Variants in GNAQ observed in about 807,000 individuals in gnomAD.
GNAQ encodes G protein subunit alpha q, also known as guanine nucleotide-binding protein G(q) subunit alpha.
In GNAQ, 8 loss-of-function variants were observed where a neutral mutation model predicts 43.9. The observed-to-expected ratio is 0.18, with a 90% CI of 0.11 to 0.33. The LOEUF (loss-of-function observed/expected upper bound fraction) is 0.33, where lower values mean the gene tolerates loss of function less well. Ranked by LOEUF, GNAQ falls within the 10% of genes least tolerant of loss-of-function variation. The probability of loss-of-function intolerance (pLI) is 1.00; values close to 1 mark genes in which losing one functional copy is unlikely to be tolerated. For synonymous variants in GNAQ, 155 were observed against 170.7 expected (o/e 0.91, Z 0.71); for missense variants, 158 against 450.8 (o/e 0.35, Z 5.88).
intron 1 of GNAQ, among the ~76,000 whole-genome samples, chr9:77,955,197 C>T (rs556542629): frequency 1.1e-4 from 16 of 152,268 alleles, no homozygotes; most frequent in East Asian, 5.8e-4. Flanking sequence ...GGCTGGAGTG[C>T]GGTGGCACGA....
chr9:77,959,634 TTCAC>T (rs1385548843), intron 1 of GNAQ, among the ~76,000 whole-genome samples: 11 of 152,248 alleles, frequency 7.2e-5, no homozygotes, highest in African/African-American at 1.7e-4. Flanking sequence ...GTATATTTTG[TTCAC>T]TCACTGTTTT....
intron 2 of GNAQ, among the ~76,000 whole-genome samples, chr9:77,856,910 C>T (rs1827764220): frequency 6.6e-6 from 1 of 152,106 alleles, no homozygotes; most frequent in Non-Finnish European, 1.5e-5. Context: ...GTTTGTTTAG[C>T]TGAAAGGGAA....
intron 1 of GNAQ, among the ~76,000 whole-genome samples, chr9:77,949,296 C>G (rs1434917358): frequency 2.0e-5 from 3 of 152,154 alleles, no homozygotes; most frequent in Admixed American, 2.0e-4. Context: ...AACTTCAGTC[C>G]TTAGGGGCAG....
intron 2 of GNAQ, among the ~76,000 whole-genome samples, chr9:77,914,633 G>A (rs1438405863): frequency 1.3e-5 from 2 of 151,962 alleles, no homozygotes; most frequent in Non-Finnish European, 2.9e-5. Flanking sequence ...TTGCACTCCA[G>A]CCTGGACAAC....
chr9:77,822,812 T>C (rs1240097559), intron 2 of GNAQ, among the ~76,000 whole-genome samples: 1 of 152,180 alleles, frequency 6.6e-6, no homozygotes, highest in Non-Finnish European at 1.5e-5. Flanking sequence ...ATAGAGCTTT[T>C]AGAATACCTT....
At chr9:77,863,813 G>A (rs1827901134) in intron 2 of GNAQ, among the ~76,000 whole-genome samples, 1 of 152,106 alleles carries the variant, frequency 6.6e-6, no homozygotes, top group South Asian at 2.1e-4. Flanking sequence ...GCTTGTGCAG[G>A]GGAAACTCCA....
intron 6 of GNAQ, among the ~76,000 whole-genome samples, chr9:77,727,649 A>C (rs192343328): frequency 1.3e-5 from 2 of 152,228 alleles, no homozygotes; most frequent in Non-Finnish European, 2.9e-5. Context: ...CTGAGTATTC[A>C]TAAGTGTCCT....
At chr9:77,871,769 C>T (rs1564136640) in intron 2 of GNAQ, among the ~76,000 whole-genome samples, 1 of 152,050 alleles carries the variant, frequency 6.6e-6, no homozygotes, top group African/African-American at 2.4e-5. Flanking sequence ...AATAGAATTG[C>T]AGAATTTTAC....
At chr9:77,754,195 G>A (rs1825862441) in intron 5 of GNAQ, among the ~76,000 whole-genome samples, 1 of 152,128 alleles carries the variant, frequency 6.6e-6, no homozygotes, top group Non-Finnish European at 1.5e-5. Flanking sequence ...AGACAGGTTT[G>A]GTGCCTTTTG....
chr9:77,796,504 TTGAA>T (rs944179968), intron 4 of GNAQ, among the ~76,000 whole-genome samples: 1 of 152,094 alleles, frequency 6.6e-6, no homozygotes, highest in African/African-American at 2.4e-5. Context: ...TAATAAGAGA[TTGAA>T]TGAAAGTACA....
At chr9:78,016,393 T>C (rs1439041498) in intron 1 of GNAQ, among the ~76,000 whole-genome samples, 1 of 152,116 alleles carries the variant, frequency 6.6e-6, no homozygotes, top group African/African-American at 2.4e-5. Flanking sequence ...GTTTTAGAAA[T>C]ATATAAATTA....
rs58496646 is a variant in GNAQ at position 77,889,410 on chromosome 9, C to CAAAAAAAAAAAAAAAAAAAAA, written c.321+32730_321+32750dup. ...TGGGCGACAAAGCCAGACCCTGTCTCAAAAAAAAAAAAAAAAAAAAAAAAA... is the reference window on the plus strand; with the variant it reads ...TGGGCGACAAAGCCAGACCCTGTCTCAAAAAAAAAAAAAAAAAAAAAAAAAAAAAAAAAAAAAAAAAAAAAA... On this transcript the variant is annotated intron_variant, in intron 2 of 6. Coordinates refer to ENST00000286548, the MANE Select transcript of GNAQ (RefSeq NM_002072.5). 2.7e-4 allele frequency among the ~76,000 whole-genome samples: 13 copies of CAAAAAAAAAAAAAAAAAAAAA among 48,066 alleles called. 1 individual carries two copies. The highest frequency in any genetic ancestry group is 3.8e-4 in the Non-Finnish European group (11 of 28,814). The allele number at this position is 48,066 out of a possible 152,430, so 31.5% of individuals were successfully genotyped here.
chr9:77,735,290 C>T (rs1225465350), intron 5 of GNAQ, among the ~76,000 whole-genome samples: 1 of 152,156 alleles, frequency 6.6e-6, no homozygotes, highest in Non-Finnish European at 1.5e-5. Context: ...TATTAAAGGT[C>T]ATTATTACTT....
In GNAQ at chr9:77,922,185, G is replaced by A. The variant is rs1416428102; in HGVS notation, c.297C>T (p.Ile99=). 3.1e-6 allele frequency: 5 copies of A among 1,613,334 alleles called. No homozygotes were observed. Among genetic ancestry groups the A allele is most frequent in the Non-Finnish European group, 8.5e-7 (1 of 1,179,330 alleles). The part of the protein sequence containing the change: ...AMIRAMDTLK[I]PYKYEHNKAH... ...CCTTATTGTGCTCATACTTGTATGG[G>A]ATCTTGAGTGTGTCCATGGCTCTGA... is the stretch of plus-strand genomic sequence containing the variant. Residue 99 remains isoleucine, a synonymous_variant, in exon 2 of 7, where the codon ATC becomes ATT. Transcript: ENST00000286548.
intron 3 of GNAQ, among the ~76,000 whole-genome samples, chr9:77,815,043 T>A (rs117854838): frequency 2.2e-4 from 33 of 152,234 alleles, no homozygotes; most frequent in Non-Finnish European, 3.4e-4. Context: ...CACAAAATAA[T>A]TCTGGAATGT....
chr9:77,737,273 C>T (rs1326098151), intron 5 of GNAQ, among the ~76,000 whole-genome samples: 1 of 152,226 alleles, frequency 6.6e-6, no homozygotes, highest in Non-Finnish European at 1.5e-5. Context: ...GCAACTGCCA[C>T]CACTGCCTTT....
intron 5 of GNAQ, among the ~76,000 whole-genome samples, chr9:77,728,879 A>G (rs1385027023): frequency 1.3e-5 from 2 of 152,198 alleles, no homozygotes; most frequent in African/African-American, 4.8e-5. Flanking sequence ...CAAGCAGAAG[A>G]GAGTAATAAT....
intron 2 of GNAQ, among the ~76,000 whole-genome samples, chr9:77,822,626 A>T (rs1424031434): frequency 7.2e-6 from 1 of 139,758 alleles, no homozygotes; most frequent in African/African-American, 2.8e-5. Context: ...TTTTTGATTA[A>T]AAAAAAAAAA....
Position 77,718,737 on chromosome 9 carries a change from T to TC in GNAQ, c.*2585_*2586insG, listed in dbSNP as rs1170012681. The stretch of plus-strand genomic sequence containing the variant: ...AATGTTGTTGTTTAATTTTTTTTTT[T>TC]TTTTTTTTTTTTTTTGCTGCACCAA... On this transcript the variant is annotated 3_prime_UTR_variant, in exon 7 of 7. Transcript: ENST00000286548. 4.5e-6 allele frequency: 1 copy of TC among 221,148 alleles called. No individual in the cohort carries two copies. Among genetic ancestry groups the TC allele is most frequent in the African/African-American group, 2.3e-5 (1 of 43,316 alleles). 13.7% of individuals were successfully genotyped at this position (221,148 alleles called of 1,614,324 possible).
Sources: gnomAD v4.1 joint callset for allele counts (sites outside exome capture counted in the v4.1 genomes callset) on GRCh38, gnomAD v4.1.1 for gene constraint, MANE v1.5 for transcripts, NCBI Gene and HGNC (gene_info 2026-07-23, HGNC 2026-07-21) for gene names.